STXBP5L: variants seen among roughly 807,000 people sequenced by gnomAD.
The protein encoded by STXBP5L is syntaxin binding protein 5L.
STXBP5L carries 65 observed loss-of-function variants against 144.5 expected under a neutral mutation model. The ratio of observed to expected loss-of-function variants is 0.45; its 90% CI spans 0.37 to 0.55. STXBP5L has a LOEUF of 0.55. STXBP5L is among the 20% of genes least tolerant of loss of function. STXBP5L has a pLI of 0.00. For synonymous variants in STXBP5L, 505 were observed against 469.6 expected, an observed-to-expected ratio of 1.08 and a Z score of -0.97; for missense variants, 1,298 against 1,405.5, an observed-to-expected ratio of 0.92 and a Z score of 1.22.
intron 7 of STXBP5L, among the ~76,000 whole-genome samples, chr3:121,122,462 G>A (rs561292450): frequency 2.0e-4 from 31 of 151,308 alleles, no homozygotes; most frequent in African/African-American, 7.2e-4. Context: ...AAAAGAAAAT[G>A]TATACGAATA....
chr3:121,408,919 A>C (rs2047056381), intron 23 of STXBP5L, among the ~76,000 whole-genome samples: 1 of 152,018 alleles, frequency 6.6e-6, no homozygotes, highest in Non-Finnish European at 1.5e-5. Flanking sequence ...TTTTGAACTT[A>C]GATAACGGTT....
chr3:121,343,936 A>AAT (rs2044839308), intron 20 of STXBP5L, among the ~76,000 whole-genome samples: 10 of 151,438 alleles, frequency 6.6e-5, no homozygotes, highest in East Asian at 1.9e-4. Flanking sequence ...AGCCTGCATC[A>AAT]CCAAGTCAAT....
intron 5 of STXBP5L, among the ~76,000 whole-genome samples, chr3:121,065,245 G>A (rs1330896881): frequency 6.6e-6 from 1 of 151,976 alleles, no homozygotes; most frequent in African/African-American, 2.4e-5. Flanking sequence ...ATTTTCCTTT[G>A]GGTATATACC....
chr3:121,113,068 C>T (rs2044067442), intron 5 of STXBP5L, among the ~76,000 whole-genome samples: 1 of 152,094 alleles, frequency 6.6e-6, no homozygotes, highest in South Asian at 2.1e-4. Context: ...GATATAAAGG[C>T]TCTAGTTTCT....
At chr3:121,235,723 GT>G (rs1236021494) in intron 12 of STXBP5L, among the ~76,000 whole-genome samples, 1 of 151,766 alleles carries the variant, frequency 6.6e-6, no homozygotes, top group Non-Finnish European at 1.5e-5. Context: ...CTAGACATGA[GT>G]TTTTCCTTTA....
chr3:121,086,936 T>C (rs538570815), intron 5 of STXBP5L, among the ~76,000 whole-genome samples: 1 of 152,192 alleles, frequency 6.6e-6, no homozygotes, highest in East Asian at 1.9e-4. Context: ...CATTGTTAAG[T>C]GATGCATGAC....
intron 7 of STXBP5L, among the ~76,000 whole-genome samples, chr3:121,122,767 G>C (rs1478825182): frequency 1.3e-5 from 2 of 151,528 alleles, no homozygotes; most frequent in South Asian, 4.1e-4. Flanking sequence ...TTGTAGGATA[G>C]GGTTGTTAGT....
chr3:121,285,927 G>A (rs1348739970), intron 19 of STXBP5L, among the ~76,000 whole-genome samples: 3 of 151,984 alleles, frequency 2.0e-5, no homozygotes, highest in Admixed American at 2.0e-4. Context: ...CCACAGAGAG[G>A]TTAAATAACT....
chr3:121,387,601 T>C (rs553817177), intron 22 of STXBP5L, among the ~76,000 whole-genome samples: 7 of 152,290 alleles, frequency 4.6e-5, no homozygotes, highest in African/African-American at 1.7e-4. Flanking sequence ...AGGAAAGGAT[T>C]CAGTTTCAGC....
At position 120,991,973 on chromosome 3, in the gene STXBP5L, A is replaced by G. The variant is rs191838313; in HGVS notation, c.287+36936A>G. Among the ~76,000 whole-genome samples the G allele has an allele frequency of 7.6e-4, 115 of 152,292 alleles. 2 individuals are homozygous for G. The highest frequency in any genetic ancestry group is 6.2e-3 in the South Asian group (30 of 4,828). ...ACTTAAAGTATAATAAAAAAAATCCATATAGTGATTGCTGCTTTTTAAAAA... is the reference window on the plus strand; with the variant it reads ...ACTTAAAGTATAATAAAAAAAATCCGTATAGTGATTGCTGCTTTTTAAAAA... On this transcript the variant is annotated intron_variant, in intron 3 of 26. Coordinates refer to ENST00000471454, the MANE Select transcript of STXBP5L (RefSeq NM_001308330.2).
chr3:121,354,065 G>A (rs1317343300), intron 20 of STXBP5L, among the ~76,000 whole-genome samples: 1 of 152,114 alleles, frequency 6.6e-6, no homozygotes. Flanking sequence ...TGTGATTTCT[G>A]TTCTTTTACT....
intron 3 of STXBP5L, among the ~76,000 whole-genome samples, chr3:120,968,020 A>G (rs1289438873): frequency 6.6e-6 from 1 of 152,206 alleles, no homozygotes; most frequent in Non-Finnish European, 1.5e-5. Flanking sequence ...GTGACCTAAC[A>G]TATGGTCTGT....
At chr3:121,197,277 G>A (rs144942505) in intron 9 of STXBP5L, among the ~76,000 whole-genome samples, 7 of 151,994 alleles carry the variant, frequency 4.6e-5, no homozygotes, top group African/African-American at 1.7e-4. Flanking sequence ...GCATATAGTT[G>A]GATACTATTT....
chr3:121,414,352 G>A (rs1332197549), intron 24 of STXBP5L, among the ~76,000 whole-genome samples: 2 of 152,120 alleles, frequency 1.3e-5, no homozygotes, highest in Non-Finnish European at 2.9e-5. Flanking sequence ...CAGAAGGGAG[G>A]TGGTTTAACC....
chr3:121,121,143 C>T (rs1440102893), intron 6 of STXBP5L, among the ~76,000 whole-genome samples: 8 of 151,110 alleles, frequency 5.3e-5, no homozygotes, highest in Non-Finnish European at 7.4e-5. Context: ...TCTGTAAAAG[C>T]GTTATCACTA....
In STXBP5L at chr3:121,279,853, G is replaced by A; in HGVS notation, c.2007G>A (p.Gln669=). Residue 669 remains glutamine, a synonymous_variant, in exon 19 of 27, where the codon CAG becomes CAA. Transcript: ENST00000471454. The part of the protein sequence containing the change: ...CNGLAVVDFI[Q]KTVLLSMGTI... ...GGTTGGCTGTGGTGGATTTTATACA[G>A]AAGACAGTACTGTTAAGCATGGGGA... is the stretch of plus-strand genomic sequence containing the variant. The A allele has an allele frequency of 6.2e-7, 1 of 1,612,580 alleles. No individual in the cohort carries two copies. The highest frequency in any genetic ancestry group is 8.5e-7 in the Non-Finnish European group (1 of 1,178,918).
In STXBP5L at chr3:121,048,179, A is replaced by T. The variant is rs189457689; in HGVS notation, c.470+2644A>T. ...TAGTAAGGCTGAATATAGACCCCCAATTTCTTCTGGCTTGTAAGGTTTCTA... is the reference window on the plus strand; with the variant it reads ...TAGTAAGGCTGAATATAGACCCCCATTTTCTTCTGGCTTGTAAGGTTTCTA... On this transcript the variant is annotated intron_variant, in intron 5 of 26. Coordinates refer to ENST00000471454, the MANE Select transcript of STXBP5L (RefSeq NM_001308330.2). Among the ~76,000 whole-genome samples the T allele has an allele frequency of 1.2e-4, 19 of 152,074 alleles. No individual in the cohort carries two copies. The East Asian group carries it at 2.9e-3, about 23-fold the overall frequency.
At chr3:121,362,962 C>T (rs751083053) in intron 20 of STXBP5L, among the ~76,000 whole-genome samples, 1 of 152,074 alleles carries the variant, frequency 6.6e-6, no homozygotes, top group Non-Finnish European at 1.5e-5. Flanking sequence ...TCAATGCTGC[C>T]AGAACTGGGT....
intron 3 of STXBP5L, among the ~76,000 whole-genome samples, chr3:120,997,073 A>G (rs777288425): frequency 2.6e-5 from 4 of 152,128 alleles, no homozygotes; most frequent in Admixed American, 1.3e-4. Context: ...CTGTGTTGAC[A>G]TGCTTAGTAT....
Sources: gnomAD v4.1 joint callset for allele counts (sites outside exome capture counted in the v4.1 genomes callset) on GRCh38, gnomAD v4.1.1 for gene constraint, MANE v1.5 for transcripts, NCBI Gene and HGNC (gene_info 2026-07-23, HGNC 2026-07-21) for gene names.